AKT3: variants seen among roughly 807,000 people sequenced by gnomAD.
AKT3 encodes the protein AKT serine/threonine kinase 3.
In AKT3, 15 loss-of-function variants were observed where a neutral mutation model predicts 65.3. That is an observed-to-expected ratio of 0.23 (90% CI 0.15 to 0.35). The LOEUF is 0.35. Ranked by LOEUF, AKT3 falls within the 10% of genes least tolerant of loss-of-function variation. The pLI, the probability that AKT3 is intolerant of heterozygous loss-of-function variation, is 1.00. For missense variants in AKT3, 243 were observed against 576.5 expected, an observed-to-expected ratio of 0.42 and a Z score of 5.92; for synonymous variants, 206 against 183.8, an observed-to-expected ratio of 1.12 and a Z score of -0.98.
chr1:243,590,512 C>T (rs1311589581), intron 8 of AKT3, among the ~76,000 whole-genome samples: 1 of 151,644 alleles, frequency 6.6e-6, no homozygotes, highest in Admixed American at 6.6e-5. Context: ...AGAGAAAAAT[C>T]AGTCATTAGA....
At chr1:243,684,186 C>T (rs1319780161) in intron 3 of AKT3, among the ~76,000 whole-genome samples, 1 of 151,052 alleles carries the variant, frequency 6.6e-6, no homozygotes, top group Non-Finnish European at 1.5e-5. Flanking sequence ...CTTTTAAGTT[C>T]TGGGGTACAT....
chr1:243,684,062 A>C (rs898420791), intron 3 of AKT3, among the ~76,000 whole-genome samples: 1 of 148,124 alleles, frequency 6.8e-6, no homozygotes, highest in Non-Finnish European at 1.5e-5. Flanking sequence ...CCTCACCCAA[A>C]CTCTTGTCTC....
chr1:243,495,206 C>G (rs1667489412), downstream of AKT3, among the ~76,000 whole-genome samples: 1 of 152,230 alleles, frequency 6.6e-6, no homozygotes, highest in South Asian at 2.1e-4. Context: ...GGCCTCCACC[C>G]CGGCCTCATG....
chr1:243,527,118 G>A (rs994534907), intron 12 of AKT3, among the ~76,000 whole-genome samples: 1 of 152,082 alleles, frequency 6.6e-6, no homozygotes, highest in South Asian at 2.1e-4. Context: ...TGAATAAACC[G>A]AAACACTTAA....
intron 12 of AKT3, among the ~76,000 whole-genome samples, chr1:243,542,897 A>G (rs1325683042): frequency 1.3e-5 from 2 of 152,282 alleles, no homozygotes; most frequent in Non-Finnish European, 2.9e-5. Flanking sequence ...AGAACACCAG[A>G]GCCTCGCGGG....
intron 4 of AKT3, among the ~76,000 whole-genome samples, chr1:243,651,400 G>A (rs890697953): frequency 6.6e-6 from 1 of 152,198 alleles, no homozygotes; most frequent in Middle Eastern, 3.4e-3. Context: ...TCTCTTACCT[G>A]ATTTCCCTGG....
At chr1:243,605,958 G>GT (rs1311163937) in intron 8 of AKT3, among the ~76,000 whole-genome samples, 5 of 152,124 alleles carry the variant, frequency 3.3e-5, no homozygotes, top group Non-Finnish European at 7.3e-5. Context: ...AAATCTGATG[G>GT]TTTTATAAGG....
intron 2 of AKT3, among the ~76,000 whole-genome samples, chr1:243,840,356 G>A (rs1695165857): frequency 6.6e-6 from 1 of 151,832 alleles, no homozygotes; most frequent in African/African-American, 2.4e-5. Context: ...CCTGCTGGGG[G>A]TGGGGGGCAA....
intron 13 of AKT3, among the ~76,000 whole-genome samples, chr1:243,493,814 G>A (rs546676224): frequency 2.0e-5 from 3 of 151,934 alleles, no homozygotes; most frequent in East Asian, 3.9e-4. Flanking sequence ...GAAGAGAGCC[G>A]AAAACAAGCA....
chr1:243,748,869 C>T (rs369130093), intron 2 of AKT3, among the ~76,000 whole-genome samples: 4 of 152,114 alleles, frequency 2.6e-5, no homozygotes, highest in South Asian at 4.1e-4. Flanking sequence ...CCTTACCATA[C>T]GAATCAGAGT....
At chr1:243,550,950 C>T (rs1574590195) in intron 11 of AKT3, among the ~76,000 whole-genome samples, 2 of 114,110 alleles carry the variant, frequency 1.8e-5, no homozygotes, top group East Asian at 4.9e-4. Flanking sequence ...CAGAGCGAGA[C>T]TCCCTCTCAA....
chr1:243,847,029 A>T (rs1356603017), intron 1 of AKT3, among the ~76,000 whole-genome samples: 1 of 152,210 alleles, frequency 6.6e-6, no homozygotes, highest in Non-Finnish European at 1.5e-5. Context: ...AGATCAGGAC[A>T]AAGTATTTGT....
chr1:243,610,761 T>C (rs764620386), intron 8 of AKT3, among the ~76,000 whole-genome samples: 8 of 152,234 alleles, frequency 5.3e-5, no homozygotes, highest in East Asian at 1.9e-4. Flanking sequence ...ACTCGATCAA[T>C]AGACAAACAT....
chr1:243,667,344 T>C (rs1244711685), intron 3 of AKT3, among the ~76,000 whole-genome samples: 1 of 152,158 alleles, frequency 6.6e-6, no homozygotes, highest in Non-Finnish European at 1.5e-5. Flanking sequence ...CGTGAACTCT[T>C]GACCTCTCTC....
chr1:243,578,383 G>A (rs1358247109), intron 8 of AKT3, among the ~76,000 whole-genome samples: 1 of 152,124 alleles, frequency 6.6e-6, no homozygotes, highest in Non-Finnish European at 1.5e-5. Flanking sequence ...GTCCTCTGCA[G>A]GGACATGAAT....
intron 8 of AKT3, among the ~76,000 whole-genome samples, chr1:243,600,514 T>C (rs1195625175): frequency 6.6e-6 from 1 of 152,112 alleles, no homozygotes; most frequent in East Asian, 1.9e-4. Context: ...CCCACACATA[T>C]ATGACTGATT....
chr1:243,559,488 T>C (rs1319545073), intron 10 of AKT3, among the ~76,000 whole-genome samples: 4 of 152,184 alleles, frequency 2.6e-5, no homozygotes, highest in Non-Finnish European at 5.9e-5. Flanking sequence ...GTAAGTTTTA[T>C]GTTTTTCTAA....
chr1:243,578,029 A>G (rs1459081745), intron 8 of AKT3, among the ~76,000 whole-genome samples: 2 of 152,206 alleles, frequency 1.3e-5, no homozygotes, highest in Non-Finnish European at 2.9e-5. Flanking sequence ...AAAAATCATG[A>G]AACAATAGAT....
rs547454322 is a variant in AKT3, at chr1:243,819,859, A to T, written c.46+23266T>A. On this transcript the variant is annotated intron_variant, in intron 2 of 13. Coordinates refer to ENST00000673466, the MANE Select transcript of AKT3 (RefSeq NM_005465.7). ...ATCTCCAGGTGTGGGAGGGATCCAA[A>T]CGCACAGGGTCTGGAACGGGCCCCC... 2.0e-5 allele frequency among the ~76,000 whole-genome samples: 3 copies of T among 152,238 alleles called. No homozygotes were observed. The East Asian group carries it at 5.8e-4, about 29-fold the overall frequency.
Sources: allele counts gnomAD v4.1 joint callset (sites outside exome capture counted in the v4.1 genomes callset), GRCh38; gene constraint gnomAD v4.1.1; transcripts MANE v1.5; gene names NCBI Gene and HGNC (gene_info 2026-07-23, HGNC 2026-07-21).